The following RNF38 variants were observed in gnomAD, a reference collection of about 807,000 sequenced individuals.
The protein encoded by RNF38 is E3 ubiquitin-protein ligase RNF38.
A neutral mutation model predicts 67.2 loss-of-function variants in RNF38; 15 were observed. That is an observed-to-expected ratio of 0.22 (90% CI 0.15 to 0.34). The LOEUF (loss-of-function observed/expected upper bound fraction) is 0.34. Ranked by LOEUF, RNF38 falls within the 10% of genes least tolerant of loss-of-function variation. RNF38 has a pLI of 1.00. For missense variants in RNF38, 524 were observed against 639.9 expected, an observed-to-expected ratio of 0.82 and a Z score of 1.95; for synonymous variants, 220 against 218.8, an observed-to-expected ratio of 1.01 and a Z score of -0.05.
At chr9:36,357,576 ATAT>A (rs1421612127) in intron 5 of RNF38, among the ~76,000 whole-genome samples, 196 bp downstream of exon 5, 2 of 152,202 alleles carry the variant, frequency 1.3e-5, no homozygotes, top group African/African-American at 2.4e-5. Flanking sequence ...TACTATAAGG[ATAT>A]TATTGAGATT....
At chr9:36,342,452 C>G (rs1832921675) in intron 10 of RNF38, 28 bp from the exon 11 acceptor site, 4 of 1,405,768 alleles carry the variant, frequency 2.8e-6, no homozygotes, top group Non-Finnish European at 3.0e-6. Flanking sequence ...ATCATTTAAC[C>G]ACAAAACCAG....
intron 1 of RNF38, among the ~76,000 whole-genome samples, chr9:36,398,660 A>C (rs1217192626): frequency 6.6e-6 from 1 of 152,232 alleles, no homozygotes; most frequent in African/African-American, 2.4e-5. Context: ...AAAGGCTGTG[A>C]GTTAAGTAGA....
At chr9:36,432,875 CTAT>C (rs1170118981) in intron 1 of RNF38, among the ~76,000 whole-genome samples, 2 of 152,128 alleles carry the variant, frequency 1.3e-5, no homozygotes, top group African/African-American at 4.8e-5. Context: ...TGAGTCATCA[CTAT>C]TAATTACTAT....
intron 1 of RNF38, among the ~76,000 whole-genome samples, chr9:36,477,051 C>T (rs1054977024): frequency 3.3e-5 from 5 of 152,168 alleles, no homozygotes; most frequent in African/African-American, 7.2e-5. Context: ...TGGCCAGGCG[C>T]GATGGATCAC....
chr9:36,462,425 G>A (rs1307487461), intron 1 of RNF38, among the ~76,000 whole-genome samples: 1 of 151,964 alleles, frequency 6.6e-6, no homozygotes, highest in East Asian at 1.9e-4. Flanking sequence ...GATCCTAGAA[G>A]GGAAGTCATA....
intron 1 of RNF38, among the ~76,000 whole-genome samples, chr9:36,477,234 A>G (rs1840141369): frequency 6.6e-6 from 1 of 151,212 alleles, no homozygotes; most frequent in Non-Finnish European, 1.5e-5. Context: ...TGAGGCAGAG[A>G]ACTGCTTGAA....
chr9:36,382,305 A>G (rs1349314919), intron 2 of RNF38, among the ~76,000 whole-genome samples: 1 of 152,226 alleles, frequency 6.6e-6, no homozygotes, highest in African/African-American at 2.4e-5. Context: ...GGGAGGTCAA[A>G]GAGGTCATAA....
intron 9 of RNF38, among the ~76,000 whole-genome samples, chr9:36,347,382 T>C (rs1471412396): frequency 2.0e-5 from 3 of 152,138 alleles, no homozygotes; most frequent in South Asian, 4.1e-4. Context: ...AAACAAAAAA[T>C]TGAAGGTGTG....
At chr9:36,385,123 C>T (rs1836505494) in intron 2 of RNF38, among the ~76,000 whole-genome samples, 1 of 151,746 alleles carries the variant, frequency 6.6e-6, no homozygotes, top group Admixed American at 6.6e-5. Flanking sequence ...TAAGTGGGTG[C>T]CTCATGAGCT....
intron 4 of RNF38, among the ~76,000 whole-genome samples, chr9:36,364,623 C>A (rs1437772360): frequency 6.6e-6 from 1 of 152,174 alleles, no homozygotes; most frequent in Admixed American, 6.5e-5. Context: ...TTTGGCTATG[C>A]TGGCATAAAT....
intron 2 of RNF38, among the ~76,000 whole-genome samples, chr9:36,420,522 ACT>A (rs1277764234): frequency 7.6e-5 from 11 of 144,408 alleles, no homozygotes; most frequent in Admixed American, 7.0e-4. Flanking sequence ...ACAGAGCAAG[ACT>A]CTGTCTCCAA....
chr9:36,341,253 T>C (rs1056192066), intron 11 of RNF38, among the ~76,000 whole-genome samples: 12 of 152,166 alleles, frequency 7.9e-5, no homozygotes, highest in African/African-American at 2.7e-4. Context: ...TCCGCACGTG[T>C]CAGGGATTTA....
chr9:36,357,968 A>C lies in RNF38; in HGVS notation c.571-26T>G, dbSNP rs555442614. Reference sequence around the variant, plus strand: ...CTTTAAAGGAAAAAACAAATGAACAAACTTTAGCTGTTTAGATAAAATGTT... The same window carrying C: ...CTTTAAAGGAAAAAACAAATGAACACACTTTAGCTGTTTAGATAAAATGTT... On this transcript the variant is annotated intron_variant, in intron 4 of 11. Coordinates refer to ENST00000259605, the MANE Select transcript of RNF38 (RefSeq NM_022781.5). The C allele has an allele frequency of 2.5e-6, 4 of 1,592,156 alleles. No individual in the cohort carries two copies. The South Asian group carries it at 4.4e-5, about 18-fold the overall frequency.
At chr9:36,397,786 C>T (rs964571755) in intron 1 of RNF38, among the ~76,000 whole-genome samples, 3 of 151,866 alleles carry the variant, frequency 2.0e-5, no homozygotes, top group African/African-American at 7.2e-5. Context: ...ATAAACTTTT[C>T]TTTCCTTCCC....
At chr9:36,383,954 G>C (rs1336647624) in intron 2 of RNF38, among the ~76,000 whole-genome samples, 1 of 152,038 alleles carries the variant, frequency 6.6e-6, no homozygotes, top group African/African-American at 2.4e-5. Flanking sequence ...GGCTATAACT[G>C]CTAGTCCACC....
chr9:36,407,752 G>A (rs1002705509), intron 2 of RNF38, among the ~76,000 whole-genome samples: 2 of 152,024 alleles, frequency 1.3e-5, no homozygotes, highest in Non-Finnish European at 2.9e-5. Flanking sequence ...TTCATCTCAG[G>A]GGCAATCATA....
At position 36,357,779 on chromosome 9, in the gene RNF38, G is replaced by C. The variant is rs755535613; in HGVS notation, c.734C>G (p.Pro245Arg). Residue 245 changes from proline to arginine, a missense_variant, in exon 5 of 12, where the codon CCT becomes CGT. By Grantham distance (103) the Pro-to-Arg change is moderately radical (BLOSUM62 -2). This residue lies in a region of RNF38 where 461 missense variants were observed against 517.4 expected (regional missense o/e 0.89). Transcript: ENST00000259605. ...AGAACAAAGATAGAGACTTACTGGA[G>C]GAGGCACACTACAGACAGGGAGGTG... The part of the protein sequence containing the change: ...GQHLPVCSVP[P>R]PMLQACSVQH... 2 of 1,613,006 alleles carry C rather than the reference G, an allele frequency of 1.2e-6. No individual in the cohort carries two copies. The highest frequency in any genetic ancestry group is 1.7e-6 in the Non-Finnish European group (2 of 1,179,396).
chr9:36,478,403 C>CAA lies in RNF38; in HGVS notation n.241+8903_241+8904dup, dbSNP rs566516265. Among the ~76,000 whole-genome samples, 655 of 71,848 alleles carry CAA rather than the reference C, an allele frequency of 9.1e-3. 21 individuals are homozygous for CAA. Among genetic ancestry groups the CAA allele is most frequent in the African/African-American group, 0.023 (431 of 19,038 alleles). The allele number at this position is 71,848 out of a possible 152,430, so 47.1% of individuals were successfully genotyped here. A position where few individuals can be genotyped will look rare whatever the true frequency, so the allele number is the denominator to read the frequency against. On this transcript the variant is annotated intron_variant and non_coding_transcript_variant, in intron 1 of 3. Transcript: ENST00000488058. ...TGGGGGAGAGAGCGAGACTCCGTCT[C>CAA]AAAAAAAAAAAAAAAAAAAAGAGAG...
chr9:36,364,273 T>A (rs1374988988), intron 4 of RNF38, among the ~76,000 whole-genome samples: 1 of 152,210 alleles, frequency 6.6e-6, no homozygotes, highest in Non-Finnish European at 1.5e-5. Context: ...ATGTATTTTA[T>A]GATTTTTTTA....
Sources: allele counts gnomAD v4.1 joint callset (sites outside exome capture counted in the v4.1 genomes callset), GRCh38; gene constraint gnomAD v4.1.1; regional missense constraint gnomAD v4.1.1; transcripts MANE v1.5; gene names NCBI Gene and HGNC (gene_info 2026-07-23, HGNC 2026-07-21).